The following PSMG2 variants were observed in gnomAD, a reference collection of about 807,000 sequenced individuals.
PSMG2 encodes proteasome assembly chaperone 2.
PSMG2 carries 21 observed loss-of-function variants against 31.5 expected under a neutral mutation model. The ratio of observed to expected loss-of-function variants is 0.67; its 90% confidence interval spans 0.47 to 0.96. PSMG2 has a LOEUF of 0.96. Among genes scored for constraint, PSMG2 ranks in the 40% least tolerant of loss-of-function variants. The probability of loss-of-function intolerance (pLI) is 0.00; values close to 1 mark genes in which losing one functional copy is unlikely to be tolerated. For synonymous variants in PSMG2, 120 were observed against 110.4 expected (o/e 1.09, Z -0.54); for missense variants, 318 against 321.2 (o/e 0.99, Z 0.08).
rs767986391 is a variant in PSMG2 at position 12,673,338 on chromosome 18, G to A, written c.-37+14565G>A. 3.8e-6 allele frequency: 6 copies of A among 1,583,550 alleles called. No homozygotes were observed. In the South Asian group the frequency reaches 7.0e-5, roughly 18 times the overall value. ...ATGTGTAAAATTCCAATTAAACACA[G>A]GTATAAATCTTATATAAATATTGGC... On this transcript the variant is annotated intron_variant, in intron 1 of 6. Transcript: ENST00000585331.
intron 1 of PSMG2, among the ~76,000 whole-genome samples, chr18:12,680,131 C>T (rs1402648183): frequency 1.3e-5 from 2 of 151,284 alleles, no homozygotes; most frequent in Admixed American, 6.6e-5. Context: ...TGTTTACCAA[C>T]ATCATGTTGG....
At chr18:12,681,154 C>T (rs2039334067) in intron 1 of PSMG2, among the ~76,000 whole-genome samples, 1 of 150,134 alleles carries the variant, frequency 6.7e-6, no homozygotes, top group South Asian at 2.1e-4. Context: ...GCTACAATCG[C>T]GCCACTGCAT....
At chr18:12,687,583 G>T (rs1372278751) in intron 1 of PSMG2, among the ~76,000 whole-genome samples, 1 of 151,488 alleles carries the variant, frequency 6.6e-6, no homozygotes, top group East Asian at 2.0e-4. Flanking sequence ...CTCCTGAGTA[G>T]CTGGGATTAC....
In PSMG2 at chr18:12,725,450, C is replaced by T. The variant is rs1346176392; in HGVS notation, c.714C>T (p.Pro238=). 6.3e-7 allele frequency: 1 copy of T among 1,593,354 alleles called. No individual in the cohort carries two copies. The highest frequency in any genetic ancestry group is 1.7e-5 in the Admixed American group (1 of 59,702). Residue 238 remains proline (P), a synonymous_variant, in exon 7 of 7, where the codon CCC becomes CCT. Transcript: ENST00000317615. ...LQILKPLSDD[P]TVSASRWKIP... is the part of the protein sequence containing the mutation. ...TTCTTCAATTACAGAGCGATGACCC[C>T]ACAGTATCTGCCTCACGGTGGAAAA...
At chr18:12,658,856 C>T (rs2038636530) in intron 1 of PSMG2, 1 of 309,686 alleles carries the variant, frequency 3.2e-6, no homozygotes, top group Non-Finnish European at 6.5e-6. Context: ...GGAATATAAA[C>T]ATGTACATAA....
intron 2 of PSMG2, among the ~76,000 whole-genome samples, chr18:12,707,306 T>C (rs1455676900): frequency 2.6e-5 from 4 of 152,208 alleles, no homozygotes; most frequent in African/African-American, 7.2e-5. Context: ...TTTTTCAACA[T>C]GGATTTTTTT....
chr18:12,691,071 T>A (rs1216785675), intron 1 of PSMG2, among the ~76,000 whole-genome samples: 1 of 152,142 alleles, frequency 6.6e-6, no homozygotes, highest in South Asian at 2.1e-4. Flanking sequence ...TCATCTACTT[T>A]AAATCAAATA....
At chr18:12,666,809 T>C (rs372968367) in intron 1 of PSMG2, among the ~76,000 whole-genome samples, 5 of 152,168 alleles carry the variant, frequency 3.3e-5, no homozygotes, top group Admixed American at 6.6e-5. Context: ...CTCTACTTTA[T>C]CACAAACAAG....
upstream of PSMG2, among the ~76,000 whole-genome samples, chr18:12,698,146 T>C (rs987986088): frequency 6.7e-6 from 1 of 150,298 alleles, no homozygotes; most frequent in Non-Finnish European, 1.5e-5. Context: ...CATCTAAATT[T>C]GACTTTTTAT....
intron 2 of PSMG2, among the ~76,000 whole-genome samples, chr18:12,708,649 C>G (rs1386356063): frequency 6.6e-6 from 1 of 150,516 alleles, no homozygotes; most frequent in Non-Finnish European, 1.5e-5. Context: ...CAGGCACAAG[C>G]CGCTGCGCCC....
intron 1 of PSMG2, among the ~76,000 whole-genome samples, chr18:12,676,931 G>A (rs1227526572): frequency 2.0e-5 from 3 of 152,118 alleles, no homozygotes; most frequent in African/African-American, 7.2e-5. Context: ...GTGGAACAGG[G>A]AACCCTAAAA....
At chr18:12,662,287 T>C (rs2038707372) in intron 1 of PSMG2, 2 of 382,854 alleles carry the variant, frequency 5.2e-6, no homozygotes, top group Non-Finnish European at 1.0e-5. Flanking sequence ...ATTTATACTT[T>C]CAAAATGTGC....
chr18:12,719,627 A>AT (rs755604026), intron 4 of PSMG2, among the ~76,000 whole-genome samples: 2 of 151,304 alleles, frequency 1.3e-5, no homozygotes, highest in Non-Finnish European at 2.9e-5. Context: ...ACCTCAGGTA[A>AT]TTCGCCTGCT....
At chr18:12,701,762 A>G (rs112677593), upstream of PSMG2, among the ~76,000 whole-genome samples, 2,199 of 152,278 alleles carry the variant, frequency 0.014, 62 homozygotes, top group African/African-American at 0.05. Flanking sequence ...CTTCTCTTCC[A>G]TGACTTATTT....
At chr18:12,664,507 G>A (rs1405423426) in intron 1 of PSMG2, among the ~76,000 whole-genome samples, 1 of 151,790 alleles carries the variant, frequency 6.6e-6, no homozygotes, top group Non-Finnish European at 1.5e-5. Flanking sequence ...CCAAGATCAC[G>A]CCATTGCACT....
Position 12,717,597 on chromosome 18 carries a change from A to G in PSMG2, c.289-920A>G, listed in dbSNP as rs533895275. ...ACCCAAGAAAACCAGCATTTAATGA[A>G]TTTATTCAGGAGTATCATCCAACAT... On this transcript the variant is annotated intron_variant, in intron 3 of 6. Coordinates refer to ENST00000317615, the MANE Select transcript of PSMG2 (RefSeq NM_020232.5). Among the ~76,000 whole-genome samples the G allele has an allele frequency of 3.3e-5, 5 of 152,340 alleles. No homozygotes were observed. In the South Asian group the frequency reaches 1.0e-3, roughly 32 times the overall value.
intron 1 of PSMG2, among the ~76,000 whole-genome samples, chr18:12,666,248 A>T (rs2038800929): frequency 6.6e-6 from 1 of 151,934 alleles, no homozygotes; most frequent in Admixed American, 6.6e-5. Context: ...GGATCACTTG[A>T]GCCCAGGAGT....
At chr18:12,706,357 C>T (rs745308015) in intron 1 of PSMG2, among the ~76,000 whole-genome samples, 193 bp from the exon 2 acceptor site, 3 of 152,052 alleles carry the variant, frequency 2.0e-5, no homozygotes, top group South Asian at 2.1e-4. Flanking sequence ...TGTGGTGGTG[C>T]GCGCCTATAA....
intron 3 of PSMG2, among the ~76,000 whole-genome samples, chr18:12,716,543 AC>A (rs2040378341): frequency 6.6e-6 from 1 of 151,610 alleles, no homozygotes; most frequent in Non-Finnish European, 1.5e-5. Context: ...ACAGGCGCCC[AC>A]CATCACGCCC....
Sources: allele counts gnomAD v4.1 joint callset (sites outside exome capture counted in the v4.1 genomes callset), GRCh38; gene constraint gnomAD v4.1.1; transcripts MANE v1.5; gene names NCBI Gene and HGNC (gene_info 2026-07-23, HGNC 2026-07-21).